TMEM232: variants seen among roughly 807,000 people sequenced by gnomAD.
TMEM232 encodes the protein transmembrane protein 232.
In TMEM232, 80 loss-of-function variants were observed where a neutral mutation model predicts 78.8. That is an observed-to-expected ratio of 1.01 (90% CI 0.85 to 1.22). The LOEUF is 1.22. TMEM232 is among the 50% of genes most tolerant of loss of function. The pLI, the probability that TMEM232 is intolerant of heterozygous loss-of-function variation, is 0.00. For missense variants in TMEM232, 881 were observed against 742.2 expected (o/e 1.19, Z -2.17); for synonymous variants, 297 against 254.3 (o/e 1.17, Z -1.60).
At chr5:110,535,825 G>A (rs1772265152) in intron 11 of TMEM232, among the ~76,000 whole-genome samples, 1 of 152,146 alleles carries the variant, frequency 6.6e-6, no homozygotes, top group South Asian at 2.1e-4. Flanking sequence ...GGAGAATAGG[G>A]TCTGGAGAAA....
intron 12 of TMEM232, among the ~76,000 whole-genome samples, chr5:110,523,966 A>AAG (rs1491096070): frequency 0.027 from 1,127 of 41,200 alleles, 45 homozygotes; most frequent in African/African-American, 0.083. Flanking sequence ...AAAAAAAAAA[A>AAG]GGGGGGGGGG....
intron 12 of TMEM232, among the ~76,000 whole-genome samples, chr5:110,446,826 A>C (rs1759699122): frequency 6.6e-6 from 1 of 152,126 alleles, no homozygotes; most frequent in Admixed American, 6.6e-5. Flanking sequence ...GGTTTGCTGC[A>C]TCCCTATAAT....
In TMEM232 at chr5:110,626,307, T is replaced by C. The variant is rs534302158; in HGVS notation, c.602-874A>G. On this transcript the variant is annotated intron_variant, in intron 6 of 13. Transcript: ENST00000455884. The stretch of plus-strand genomic sequence containing the variant: ...CATCTGAATATTTGGTAAGTCACTA[T>C]GCTGAACACTGTGAGGAGTTAAGAA... Among the ~76,000 whole-genome samples, 236 of 152,196 alleles carry C rather than the reference T, an allele frequency of 1.6e-3. 1 individual carries two copies. The highest frequency in any genetic ancestry group is 5.5e-3 in the African/African-American group (230 of 41,572).
intron 12 of TMEM232, among the ~76,000 whole-genome samples, chr5:110,461,492 C>T (rs190865103): frequency 1.3e-5 from 2 of 152,264 alleles, no homozygotes; most frequent in Non-Finnish European, 1.5e-5. Flanking sequence ...GCGGCAAGTG[C>T]TAATGTAGAA....
chr5:110,658,007 G>T (rs1370313265), intron 2 of TMEM232, among the ~76,000 whole-genome samples: 2 of 152,126 alleles, frequency 1.3e-5, no homozygotes, highest in South Asian at 2.1e-4. Flanking sequence ...TGAAAGAAAG[G>T]TCTGCTCCTT....
chr5:110,689,522 T>G (rs567611217), intron 1 of TMEM232, among the ~76,000 whole-genome samples: 22 of 152,106 alleles, frequency 1.4e-4, no homozygotes, highest in Admixed American at 5.2e-4. Flanking sequence ...TTGGACAAGA[T>G]AGGAAGAATC....
intron 12 of TMEM232, among the ~76,000 whole-genome samples, chr5:110,525,628 T>G (rs1770463000): frequency 6.6e-6 from 1 of 151,794 alleles, no homozygotes; most frequent in African/African-American, 2.4e-5. Flanking sequence ...TAAAGTTAAT[T>G]TTTTTAAGTG....
At chr5:110,529,620 C>T (rs566618511) in intron 11 of TMEM232, among the ~76,000 whole-genome samples, 5 of 151,972 alleles carry the variant, frequency 3.3e-5, no homozygotes, top group South Asian at 2.1e-4. Flanking sequence ...CTTAAATTGA[C>T]GATGTTTAAG....
intron 2 of TMEM232, among the ~76,000 whole-genome samples, chr5:110,733,670 T>G (rs570868583): frequency 6.6e-6 from 1 of 151,598 alleles, no homozygotes; most frequent in Non-Finnish European, 1.5e-5. Flanking sequence ...CAACAGACAC[T>G]GGGGCCTACT....
At chr5:110,462,400 G>A (rs1761627966) in intron 12 of TMEM232, among the ~76,000 whole-genome samples, 1 of 152,154 alleles carries the variant, frequency 6.6e-6, no homozygotes, top group African/African-American at 2.4e-5. Context: ...GGAAAAGGCA[G>A]ACCCCCCTCA....
At chr5:110,668,502 A>C (rs901769806) in intron 1 of TMEM232, among the ~76,000 whole-genome samples, 2 of 152,152 alleles carry the variant, frequency 1.3e-5, no homozygotes, top group African/African-American at 4.8e-5. Flanking sequence ...AATGGAAAGC[A>C]GATCTGAGTG....
downstream of TMEM232, among the ~76,000 whole-genome samples, chr5:110,417,099 CT>C (rs1756246255): frequency 3.3e-5 from 5 of 152,090 alleles, no homozygotes; most frequent in South Asian, 1.0e-3. Flanking sequence ...CCTATGGAAA[CT>C]TATGAAACCC....
At chr5:110,522,752 G>T (rs529292201) in intron 12 of TMEM232, among the ~76,000 whole-genome samples, 2 of 152,030 alleles carry the variant, frequency 1.3e-5, no homozygotes, top group African/African-American at 4.8e-5. Context: ...TCCTTGCATC[G>T]CAGGGATAAA....
chr5:110,686,373 C>T (rs902792783), intron 1 of TMEM232, among the ~76,000 whole-genome samples: 4 of 151,924 alleles, frequency 2.6e-5, no homozygotes, highest in African/African-American at 4.8e-5. Flanking sequence ...GTTTATAGTT[C>T]TAACCAAGTG....
At chr5:110,396,680 T>C (rs1755402837) in intron 3 of TMEM232, among the ~76,000 whole-genome samples, 1 of 152,190 alleles carries the variant, frequency 6.6e-6, no homozygotes, top group African/African-American at 2.4e-5. Flanking sequence ...ATCTGACTGA[T>C]TTCTCCAGGC....
rs546985653 is a variant in TMEM232, at chr5:110,654,106, C to T, written c.126-11735G>A. Among the ~76,000 whole-genome samples the T allele has an allele frequency of 2.0e-5, 3 of 152,168 alleles. No individual in the cohort carries two copies. In the South Asian group the frequency reaches 6.2e-4, roughly 32 times the overall value. ...TATATATAATATGGGGTGCAAATTC[C>T]TTCTCTGAAAAGTGTTCGTTATTAA... On this transcript the variant is annotated intron_variant, in intron 2 of 13. Transcript: ENST00000455884.
intron 11 of TMEM232, among the ~76,000 whole-genome samples, chr5:110,536,489 G>A (rs761902975): frequency 9.2e-5 from 14 of 152,156 alleles, no homozygotes; most frequent in Non-Finnish European, 2.1e-4. Context: ...ATTGGCAGTG[G>A]TACAGGGTGA....
chr5:110,670,591 T>G (rs1369567416), intron 1 of TMEM232, among the ~76,000 whole-genome samples: 1 of 151,936 alleles, frequency 6.6e-6, no homozygotes, highest in Non-Finnish European at 1.5e-5. Context: ...CTTCTAATAA[T>G]CCACATGCAT....
intron 12 of TMEM232, among the ~76,000 whole-genome samples, chr5:110,485,886 T>G (rs1580880583): frequency 6.6e-6 from 1 of 152,150 alleles, no homozygotes; most frequent in Admixed American, 6.6e-5. Context: ...CTTTAAGGAA[T>G]CTCCACACTG....
Sources: gnomAD v4.1 joint callset for allele counts (sites outside exome capture counted in the v4.1 genomes callset) on GRCh38, gnomAD v4.1.1 for gene constraint, MANE v1.5 for transcripts, NCBI Gene and HGNC (gene_info 2026-07-23, HGNC 2026-07-21) for gene names.